The following TEX2 variants were observed in gnomAD, a reference collection of about 807,000 sequenced individuals.
The protein encoded by TEX2 is testis-expressed protein 2.
In TEX2, 53 loss-of-function variants were observed where a neutral mutation model predicts 106.9. That is an observed-to-expected ratio of 0.50 (90% CI 0.40 to 0.62). The LOEUF (loss-of-function observed/expected upper bound fraction) is 0.62. Among genes scored for constraint, TEX2 ranks in the 20% least tolerant of loss-of-function variants. The probability of loss-of-function intolerance (pLI) is 0.00; values close to 1 mark genes in which losing one functional copy is unlikely to be tolerated. For synonymous variants in TEX2, 523 were observed against 534.8 expected, an observed-to-expected ratio of 0.98 and a Z score of 0.30; for missense variants, 1,207 against 1,379.0, an observed-to-expected ratio of 0.88 and a Z score of 1.98.
At chr17:64,194,803 T>A (rs1598164952) in intron 3 of TEX2, 92 bp downstream of exon 3, 2 of 1,284,992 alleles carry the variant, frequency 1.6e-6, no homozygotes, top group East Asian at 2.3e-5. Flanking sequence ...ACCACAAACC[T>A]TTTTAGGGTA....
intron 2 of TEX2, among the ~76,000 whole-genome samples, chr17:64,198,784 A>G (rs782501677): frequency 6.6e-6 from 1 of 152,214 alleles, no homozygotes; most frequent in Non-Finnish European, 1.5e-5. Context: ...TTCCAGGTAC[A>G]TAGAATTACA....
chr17:64,179,655 T>C (rs544516178), intron 5 of TEX2, among the ~76,000 whole-genome samples: 29 of 152,296 alleles, frequency 1.9e-4, no homozygotes, highest in Admixed American at 1.8e-3. Context: ...GCTGGGGGCC[T>C]AGGGTTCGCT....
intron 7 of TEX2, among the ~76,000 whole-genome samples, chr17:64,170,099 A>T (rs1445988159): frequency 6.6e-6 from 1 of 152,208 alleles, no homozygotes; most frequent in Non-Finnish European, 1.5e-5. Flanking sequence ...CATCATCATC[A>T]TCATGTTACA....
At position 64,149,088 on chromosome 17, in the gene TEX2, C is replaced by T. The variant is rs771144091; in HGVS notation, c.3265G>A (p.Val1089Ile). The change falls in exon 12 of 12, where the codon GTT becomes ATT. Residue 1089 changes from valine (V) to isoleucine (I), a missense_variant. Physicochemically the swap from Val to Ile is conservative, Grantham distance 29 (BLOSUM62 3). This residue lies in a region of TEX2 where 77 missense variants were observed against 73.2 expected (regional missense o/e 1.05). Coordinates refer to ENST00000584379, the MANE Select transcript of TEX2 (RefSeq NM_001288732.2). Reference sequence around the variant, plus strand: ...TCATCCATGTTTGGCATGACAAAAACTTTCTGTAGGAAGATATTAAAGAAC... The same window carrying T: ...TCATCCATGTTTGGCATGACAAAAATTTTCTGTAGGAAGATATTAAAGAAC... ...EKKLEQEFQK[V>I]FVMPNMDDVY... 6 of 1,613,700 alleles carry T rather than the reference C, an allele frequency of 3.7e-6. No homozygotes were observed. Among genetic ancestry groups the T allele is most frequent in the East Asian group, 2.2e-5 (1 of 44,876 alleles).
intron 4 of TEX2, among the ~76,000 whole-genome samples, chr17:64,192,854 C>T (rs1327749882): frequency 6.6e-6 from 1 of 152,170 alleles, no homozygotes. Flanking sequence ...AGAGTGGCTC[C>T]CTCCTAGTCT....
At position 64,231,668 on chromosome 17, in the gene TEX2, C is replaced by T. The variant is rs141726240; in HGVS notation, c.-25-17426G>A. 2.7e-3 allele frequency among the ~76,000 whole-genome samples: 414 copies of T among 152,266 alleles called. 6 individuals carry two copies. The highest frequency in any genetic ancestry group is 9.7e-3 in the African/African-American group (404 of 41,530). ...GAAGGGAGGTGAGAACTGAATAGGT[C>T]CTGGGGTGCAACACAATTGCACAGA... On this transcript the variant is annotated intron_variant, in intron 1 of 11. Transcript: ENST00000584379.
chr17:64,254,813 T>C (rs1381610530), intron 1 of TEX2, among the ~76,000 whole-genome samples: 1 of 152,208 alleles, frequency 6.6e-6, no homozygotes, highest in Admixed American at 6.5e-5. Flanking sequence ...TGTGACTTCA[T>C]CATGGGCTCA....
intron 1 of TEX2, among the ~76,000 whole-genome samples, chr17:64,252,623 C>G (rs1291415672): frequency 1.3e-5 from 2 of 152,044 alleles, no homozygotes; most frequent in African/African-American, 2.4e-5. Context: ...GCCATATAAC[C>G]AAGTTTTAAA....
At chr17:64,151,509 C>T (rs907695261) in intron 10 of TEX2, among the ~76,000 whole-genome samples, 3 of 152,126 alleles carry the variant, frequency 2.0e-5, no homozygotes, top group Non-Finnish European at 2.9e-5. Context: ...TATGACTTCC[C>T]GAGGGAGCAG....
intron 1 of TEX2, among the ~76,000 whole-genome samples, chr17:64,240,944 C>G (rs1210185461): frequency 9.9e-5 from 15 of 152,170 alleles, no homozygotes; most frequent in Non-Finnish European, 1.5e-5. Context: ...GCAGCAGCAT[C>G]ATTGGCAGTA....
chr17:64,243,921 G>T (rs1425861115), intron 1 of TEX2, among the ~76,000 whole-genome samples: 5 of 150,242 alleles, frequency 3.3e-5, no homozygotes, highest in South Asian at 2.1e-4. Flanking sequence ...CGATTCTCCT[G>T]CCTCAGCCTC....
At chr17:64,188,032 C>A in intron 5 of TEX2, 136 bp downstream of exon 5, 1 of 1,008,732 alleles carries the variant, frequency 9.9e-7, no homozygotes, top group South Asian at 1.6e-5. Flanking sequence ...TACAAGTTCC[C>A]CAAAGGCAGG....
At chr17:64,242,486 ACTTGT>A (rs1189952327) in intron 1 of TEX2, 1 of 152,176 alleles carries the variant, frequency 6.6e-6, no homozygotes, top group Non-Finnish European at 1.5e-5. Context: ...GGTGGTGGAA[ACTTGT>A]CATATCTTGA....
At chr17:64,157,074 G>A (rs995319621) in intron 8 of TEX2, among the ~76,000 whole-genome samples, 5 of 152,182 alleles carry the variant, frequency 3.3e-5, no homozygotes, top group East Asian at 3.8e-4. Context: ...TGCTCTCCGC[G>A]CTGGGGGCAG....
intron 1 of TEX2, among the ~76,000 whole-genome samples, chr17:64,258,902 C>T (rs1481121865): frequency 2.0e-5 from 3 of 152,112 alleles, no homozygotes; most frequent in African/African-American, 7.2e-5. Flanking sequence ...GGACTACAGG[C>T]ATGTGCCACC....
chr17:64,231,812 A>T (rs1436898530), intron 1 of TEX2, among the ~76,000 whole-genome samples: 1 of 152,246 alleles, frequency 6.6e-6, no homozygotes, highest in Middle Eastern at 3.2e-3. Flanking sequence ...TTTTCCTTAC[A>T]TATAATGCAG....
At position 64,213,752 on chromosome 17, in the gene TEX2, G is replaced by C. The variant is rs2033098618; in HGVS notation, c.466C>G (p.Gln156Glu). The change falls in exon 2 of 12, where the codon CAG (glutamine) becomes GAG (glutamate). Residue 156 changes from glutamine to glutamate, a missense_variant. Gln to Glu is a conservative substitution (Grantham distance 29, BLOSUM62 2). Coordinates refer to ENST00000584379, the MANE Select transcript of TEX2 (RefSeq NM_001288732.2). The surrounding 1 kb of genome is among the most constrained non-coding windows in gnomAD (Gnocchi z 4.4). ...SSPSVSSLSE[Q>E]KTSSSSPLSS... ...AATGGGGAGGAAGAACTGGTTTTCTGCTCAGAAAGGGATGACACACTGGGA... is the reference window on the plus strand; with the variant it reads ...AATGGGGAGGAAGAACTGGTTTTCTCCTCAGAAAGGGATGACACACTGGGA... 7 of 1,614,162 alleles carry C rather than the reference G, an allele frequency of 4.3e-6. No individual in the cohort carries two copies. Among genetic ancestry groups the C allele is most frequent in the Non-Finnish European group, 5.9e-6 (7 of 1,180,026 alleles).
chr17:64,240,042 G>A (rs1026655513), intron 1 of TEX2, among the ~76,000 whole-genome samples: 5 of 152,018 alleles, frequency 3.3e-5, no homozygotes, highest in Admixed American at 6.6e-5. Flanking sequence ...CAGATGGTAA[G>A]TATATGCACT....
rs1239289394 is a variant in TEX2, at chr17:64,147,576, T to G, written c.*1393A>C. ...GTGCATCTAGTCCTTAGCCTTTAGT[T>G]ATTGCACAACAATTATAAAGACCAG... On this transcript the variant is annotated 3_prime_UTR_variant, in exon 12 of 12. Transcript: ENST00000584379. 3 of 152,610 alleles carry G rather than the reference T, an allele frequency of 2.0e-5. No individual in the cohort carries two copies. Among genetic ancestry groups the G allele is most frequent in the Admixed American group, 2.0e-4 (3 of 15,284 alleles). 9.5% of individuals were successfully genotyped at this position (152,610 alleles called of 1,614,324 possible). A position where few individuals can be genotyped will look rare whatever the true frequency, so the allele number is the denominator to read the frequency against.
Sources: gnomAD v4.1 joint callset for allele counts (sites outside exome capture counted in the v4.1 genomes callset) on GRCh38, gnomAD v4.1.1 for gene constraint, gnomAD v4.1.1 regional missense constraint, Gnocchi (gnomAD v3.1) non-coding constraint, MANE v1.5 for transcripts, NCBI Gene and HGNC (gene_info 2026-07-23, HGNC 2026-07-21) for gene names.